Variants in TRPM1 observed in about 807,000 individuals in gnomAD.
The protein encoded by TRPM1 is TRPM1-203 APA Isoform, Intron 10.
A neutral mutation model predicts 149.4 loss-of-function variants in TRPM1; 113 were observed. The ratio of observed to expected loss-of-function variants is 0.76; its 90% CI spans 0.65 to 0.88. The LOEUF (loss-of-function observed/expected upper bound fraction) is 0.88. Among genes scored for constraint, TRPM1 ranks in the 40% least tolerant of loss-of-function variants. TRPM1 has a pLI of 0.00. For missense variants in TRPM1, 1,976 were observed against 2,038.7 expected, an observed-to-expected ratio of 0.97 and a Z score of 0.59; for synonymous variants, 741 against 759.5, an observed-to-expected ratio of 0.98 and a Z score of 0.40.
intron 1 of TRPM1, among the ~76,000 whole-genome samples, chr15:31,090,674 T>C (rs898555610): frequency 6.6e-6 from 1 of 151,640 alleles, no homozygotes; most frequent in African/African-American, 2.4e-5. Flanking sequence ...AACTGCACCC[T>C]GGAAAAAATC....
At chr15:31,035,893 A>C (rs1455367799) in intron 20 of TRPM1, 1 of 614,254 alleles carries the variant, frequency 1.6e-6, no homozygotes, top group Admixed American at 2.7e-5. Flanking sequence ...ATGGGCCCTG[A>C]CTTTTCATTT....
intron 26 of TRPM1, 135 bp downstream of exon 26, chr15:31,026,780 G>A: frequency 1.1e-6 from 1 of 904,682 alleles, no homozygotes. Flanking sequence ...GAAGCCTTTT[G>A]AAAAGAACAG....
intron 27 of TRPM1, among the ~76,000 whole-genome samples, chr15:31,008,530 C>A (rs1215060185): frequency 6.6e-6 from 1 of 152,054 alleles, no homozygotes; most frequent in Non-Finnish European, 1.5e-5. Context: ...GCCTTTTATT[C>A]CTGGGATAAA....
intron 1 of TRPM1, among the ~76,000 whole-genome samples, chr15:31,149,353 G>A (rs745980158): frequency 3.7e-4 from 56 of 152,130 alleles, no homozygotes; most frequent in Admixed American, 9.2e-4. Flanking sequence ...TTCTCTGGCC[G>A]TGCTTAAGAA....
chr15:31,007,889 C>A (rs2032053978), intron 27 of TRPM1, among the ~76,000 whole-genome samples: 1 of 152,112 alleles, frequency 6.6e-6, no homozygotes, highest in Admixed American at 6.6e-5. Flanking sequence ...GCATATAGAT[C>A]CCATACGTAT....
rs937474940 is a variant in TRPM1 at position 31,135,678 on chromosome 15, G to A, written c.54+25228C>T. ...GGTCCCTCAGGAGTATCTTGGTGCC[G>A]TCATCCTTGCAGTAATGAGTGAACT... On this transcript the variant is annotated intron_variant, in intron 1 of 26. Transcript: ENST00000542188. 3.9e-5 allele frequency among the ~76,000 whole-genome samples: 6 copies of A among 151,990 alleles called. No individual in the cohort carries two copies. In the South Asian group the frequency reaches 6.2e-4, roughly 16 times the overall value.
At chr15:31,136,585 G>C (rs1234265286) in intron 1 of TRPM1, among the ~76,000 whole-genome samples, 3 of 152,132 alleles carry the variant, frequency 2.0e-5, no homozygotes, top group Non-Finnish European at 4.4e-5. Context: ...CACCAAATGG[G>C]CCACCTTCAG....
intron 1 of TRPM1, among the ~76,000 whole-genome samples, chr15:31,158,457 C>G (rs2036404856): frequency 6.6e-6 from 1 of 151,860 alleles, no homozygotes; most frequent in Admixed American, 6.6e-5. Context: ...GAAATGCTGT[C>G]TCTACTAAAA....
chr15:31,002,090 A>G lies in TRPM1; in HGVS notation c.4610T>C (p.Ile1537Thr). 1 of 1,614,238 alleles carries G rather than the reference A, an allele frequency of 6.2e-7. No individual in the cohort carries two copies. The highest frequency in any genetic ancestry group is 8.5e-7 in the Non-Finnish European group (1 of 1,180,040). ...MQDEHHVAEA[I>T]PRIPRLSLTI... ...TAGGGACAAGCGAGGGATTCGAGGA[A>G]TTGCTTCAGCGACATGGTGTTCATC... Residue 1537 changes from isoleucine to threonine, a missense_variant, in exon 28 of 28, where the codon ATT becomes ACT. Transcript: ENST00000256552.
intron 7 of TRPM1, among the ~76,000 whole-genome samples, chr15:31,064,655 G>T (rs1349149299): frequency 6.6e-6 from 1 of 152,196 alleles, no homozygotes; most frequent in Non-Finnish European, 1.5e-5. Context: ...AAGGGCTTCA[G>T]ATAAAAATCT....
At chr15:31,075,266 G>C (rs1247614340) in intron 3 of TRPM1, among the ~76,000 whole-genome samples, 1 of 152,132 alleles carries the variant, frequency 6.6e-6, no homozygotes, top group African/African-American at 2.4e-5. Context: ...TATTGAAAGT[G>C]GGGTATTGAA....
intron 1 of TRPM1, among the ~76,000 whole-genome samples, chr15:31,150,592 C>T (rs548259404): frequency 2.0e-5 from 3 of 151,928 alleles, no homozygotes; most frequent in Admixed American, 6.6e-5. Context: ...ATGCGCACCA[C>T]GCCCAGAAAA....
intron 1 of TRPM1, among the ~76,000 whole-genome samples, chr15:31,123,831 C>T (rs548169119): frequency 6.6e-6 from 1 of 152,290 alleles, no homozygotes; most frequent in Non-Finnish European, 1.5e-5. Context: ...AAATGGGCTC[C>T]TAGGCATTTA....
intron 1 of TRPM1, among the ~76,000 whole-genome samples, chr15:31,140,327 C>G (rs1046075682): frequency 2.0e-5 from 3 of 151,534 alleles, no homozygotes; most frequent in Admixed American, 6.6e-5. Context: ...TGCAGTGAGC[C>G]GAGATCGTGC....
chr15:31,127,527 G>A (rs2035966160), intron 1 of TRPM1, among the ~76,000 whole-genome samples: 1 of 152,230 alleles, frequency 6.6e-6, no homozygotes, highest in Non-Finnish European at 1.5e-5. Context: ...GGCAGCTGAG[G>A]GCAGCCCAGG....
chr15:31,069,958 G>A, intron 4 of TRPM1, 73 bp downstream of exon 4: 1 of 1,613,594 alleles, frequency 6.2e-7, no homozygotes, highest in Non-Finnish European at 8.5e-7. Flanking sequence ...GGTATCTGCA[G>A]TTTGGGGCTG....
chr15:31,005,223 G>A (rs187390662), intron 27 of TRPM1, among the ~76,000 whole-genome samples: 10 of 152,182 alleles, frequency 6.6e-5, no homozygotes, highest in African/African-American at 1.9e-4. Flanking sequence ...TCAAACTTGA[G>A]TTCCTTTACA....
chr15:31,030,264 A>G (rs2033005196), intron 23 of TRPM1, among the ~76,000 whole-genome samples: 1 of 152,234 alleles, frequency 6.6e-6, no homozygotes, highest in African/African-American at 2.4e-5. Flanking sequence ...ATGCTTTATG[A>G]TAAATCACAA....
At chr15:31,004,737 G>C (rs1042483411) in intron 27 of TRPM1, among the ~76,000 whole-genome samples, 6 of 152,074 alleles carry the variant, frequency 3.9e-5, no homozygotes, top group Non-Finnish European at 7.4e-5. Context: ...GCATTTCAGA[G>C]ACCAACAGAA....
Sources: allele counts gnomAD v4.1 joint callset (sites outside exome capture counted in the v4.1 genomes callset), GRCh38; gene constraint gnomAD v4.1.1; transcripts MANE v1.5; gene names NCBI Gene and HGNC (gene_info 2026-07-23, HGNC 2026-07-21).